REDIC1: variants seen among roughly 807,000 people sequenced by gnomAD.
The protein encoded by REDIC1 is regulator of DNA class I crossover intermediates 1.
At chr12:39,830,148 C>T in the REDIC1 span, 2 of 1,613,694 alleles carry the variant, frequency 1.2e-6, no homozygotes, top group Non-Finnish European at 1.7e-6. Flanking sequence ...AACTGGAACA[C>T]AGGAGGAGTC....
the REDIC1 span, among the ~76,000 whole-genome samples, chr12:39,825,034 G>C: frequency 6.6e-6 from 1 of 152,290 alleles, no homozygotes; most frequent in East Asian, 1.9e-4. Context: ...TGTTACATCA[G>C]AGTGCAGCTT....
At chr12:39,875,993 G>C in the REDIC1 span, among the ~76,000 whole-genome samples, 1 of 152,252 alleles carries the variant, frequency 6.6e-6, no homozygotes, top group South Asian at 2.1e-4. Flanking sequence ...AACTGAAAAA[G>C]GCTTTCTTTC....
chr12:39,891,558 C>T, the REDIC1 span, among the ~76,000 whole-genome samples: 11 of 152,252 alleles, frequency 7.2e-5, no homozygotes, highest in African/African-American at 2.4e-4. Context: ...TCGTGAAATG[C>T]ATTGCTTCCT....
the REDIC1 span, among the ~76,000 whole-genome samples, chr12:39,667,972 G>C: frequency 6.6e-6 from 1 of 152,068 alleles, no homozygotes; most frequent in Admixed American, 6.6e-5. Context: ...CTGCGGGTGA[G>C]ATGGGTCTCC....
At chr12:39,878,098 G>A in the REDIC1 span, among the ~76,000 whole-genome samples, 1 of 152,180 alleles carries the variant, frequency 6.6e-6, no homozygotes, top group Non-Finnish European at 1.5e-5. Context: ...CTAAGCAGAT[G>A]CCAGCACCAC....
the REDIC1 span, among the ~76,000 whole-genome samples, chr12:39,648,186 T>TA: frequency 2.0e-5 from 3 of 151,882 alleles, no homozygotes; most frequent in Non-Finnish European, 2.9e-5. Flanking sequence ...GAGTGTTTTT[T>TA]AAAAAAAATC....
At chr12:39,722,811 C>T in the REDIC1 span, among the ~76,000 whole-genome samples, 3,305 of 152,212 alleles carry the variant, frequency 0.022, 58 homozygotes, top group Non-Finnish European at 0.032. Context: ...GCCCCAAAAG[C>T]GGTATTGCCT....
chr12:39,710,976 G>C, the REDIC1 span, among the ~76,000 whole-genome samples: 2 of 150,934 alleles, frequency 1.3e-5, no homozygotes, highest in South Asian at 2.1e-4. Flanking sequence ...TGATTTGTGA[G>C]ACCGGTGCAC....
chr12:39,874,285 A>T, the REDIC1 span, among the ~76,000 whole-genome samples: 3 of 152,132 alleles, frequency 2.0e-5, no homozygotes, highest in Non-Finnish European at 4.4e-5. Flanking sequence ...GGGTTCACAG[A>T]CATAAGTACT....
chr12:39,789,159 A>C, the REDIC1 span, among the ~76,000 whole-genome samples: 1 of 152,014 alleles, frequency 6.6e-6, no homozygotes, highest in East Asian at 1.9e-4. Flanking sequence ...TTCTGATAGG[A>C]TCCCTCCCTT....
the REDIC1 span, among the ~76,000 whole-genome samples, chr12:39,654,054 A>C: frequency 2.7e-5 from 4 of 150,354 alleles, no homozygotes; most frequent in African/African-American, 9.8e-5. Context: ...TGTGTCTTGA[A>C]ATTATGATGT....
the REDIC1 span, among the ~76,000 whole-genome samples, chr12:39,716,348 A>G: frequency 6.6e-6 from 1 of 152,066 alleles, no homozygotes; most frequent in Non-Finnish European, 1.5e-5. Flanking sequence ...TTTTGATTGC[A>G]CAGTAAACTT....
At chr12:39,670,655 C>T in the REDIC1 span, among the ~76,000 whole-genome samples, 2 of 151,728 alleles carry the variant, frequency 1.3e-5, no homozygotes, top group African/African-American at 4.8e-5. Context: ...TACCATTAAA[C>T]TTTTCTTCAC....
At chr12:39,786,687 T>TG in the REDIC1 span, among the ~76,000 whole-genome samples, 1 of 152,118 alleles carries the variant, frequency 6.6e-6, no homozygotes, top group Non-Finnish European at 1.5e-5. Flanking sequence ...TTTTAGGAAT[T>TG]GGGGGAACTT....
the REDIC1 span, among the ~76,000 whole-genome samples, chr12:39,628,731 A>G: frequency 6.6e-6 from 1 of 152,194 alleles, no homozygotes; most frequent in Admixed American, 6.5e-5. Flanking sequence ...TAGGAGAGAA[A>G]GTAGAGATTA....
At chr12:39,645,589 G>A in the REDIC1 span, among the ~76,000 whole-genome samples, 1 of 152,114 alleles carries the variant, frequency 6.6e-6, no homozygotes, top group Non-Finnish European at 1.5e-5. Context: ...ACTGAGAGTT[G>A]TTTCTCTGGT....
the REDIC1 span, among the ~76,000 whole-genome samples, chr12:39,804,446 C>G: frequency 6.6e-6 from 1 of 152,048 alleles, no homozygotes; most frequent in African/African-American, 2.4e-5. Context: ...CATTCATTAC[C>G]AGAAACTGCT....
the REDIC1 span, among the ~76,000 whole-genome samples, chr12:39,875,384 CTATAT>C: frequency 6.6e-6 from 1 of 152,194 alleles, no homozygotes; most frequent in African/African-American, 2.4e-5. Flanking sequence ...TCCCTTGTGA[CTATAT>C]TGGCTCCACT....
the REDIC1 span, chr12:39,757,938 A>G: frequency 2.0e-5 from 3 of 152,280 alleles, no homozygotes; most frequent in South Asian, 6.2e-4. Flanking sequence ...AGAGCACTTT[A>G]TTGGTCTACT....
Sources: gnomAD v4.1 joint callset for allele counts (sites outside exome capture counted in the v4.1 genomes callset) on GRCh38, gnomAD v4.1.1 for gene constraint, MANE v1.5 for transcripts, NCBI Gene and HGNC (gene_info 2026-07-23, HGNC 2026-07-21) for gene names.